RNF103: variants seen among roughly 807,000 people sequenced by gnomAD.
The protein encoded by RNF103 is E3 ubiquitin-protein ligase RNF103.
Under a neutral mutation model 66.2 loss-of-function variants are expected in RNF103, and 23 were observed. The ratio of observed to expected loss-of-function variants is 0.35; its 90% confidence interval spans 0.25 to 0.49. The LOEUF (loss-of-function observed/expected upper bound fraction) is 0.49, where lower values mean the gene tolerates loss of function less well. Ranked by LOEUF, RNF103 falls within the 20% of genes least tolerant of loss-of-function variation. The probability of loss-of-function intolerance (pLI) is 0.98; values close to 1 mark genes in which losing one functional copy is unlikely to be tolerated. For missense variants in RNF103, 730 were observed against 814.7 expected (o/e 0.90, Z 1.27); for synonymous variants, 297 against 289.9 (o/e 1.02, Z -0.25).
chr2:86,623,836 C>G lies in RNF103; in HGVS notation c.-950G>C, dbSNP rs1360843421. ...CGTACCCTCCACAACCGTGTATCAGCGGCGGCCGCGGCCGGAGCCGAGACA... is the reference window on the plus strand; with the variant it reads ...CGTACCCTCCACAACCGTGTATCAGGGGCGGCCGCGGCCGGAGCCGAGACA... On this transcript the variant is annotated 5_prime_UTR_variant, in exon 1 of 4. Transcript: ENST00000237455. The G allele has an allele frequency of 7.8e-7, 1 of 1,287,986 alleles. No homozygotes were observed. The highest frequency in any genetic ancestry group is 1.0e-6 in the Non-Finnish European group (1 of 988,336). 79.8% of individuals were successfully genotyped at this position (1,287,986 alleles called of 1,614,324 possible). A position where few individuals can be genotyped will look rare whatever the true frequency, so the allele number is the denominator to read the frequency against.
chr2:86,622,617 CCT>C, intron 1 of RNF103, 42 bp downstream of exon 1: 1 of 1,597,064 alleles, frequency 6.3e-7, no homozygotes, highest in Non-Finnish European at 8.6e-7. Context: ...CAGGTCGTCC[CCT>C]CTCCCAGGTG....
Position 86,623,733 on chromosome 2 carries a change from G to A in RNF103, c.-847C>T. 7.9e-7 allele frequency: 1 copy of A among 1,267,738 alleles called. No individual in the cohort carries two copies. The highest frequency in any genetic ancestry group is 2.4e-5 in the Admixed American group (1 of 40,916). 78.5% of individuals were successfully genotyped at this position (1,267,738 alleles called of 1,614,324 possible). A position where few individuals can be genotyped will look rare whatever the true frequency, so the allele number is the denominator to read the frequency against. On this transcript the variant is annotated 5_prime_UTR_variant, in exon 1 of 4. Transcript: ENST00000237455. The stretch of plus-strand genomic sequence containing the variant: ...TACCCGGCTGCCTCCCGGCCACTCA[G>A]CGCCCGTCCCGCTCGGATGGGCAGT...
In RNF103 at chr2:86,623,498, C is replaced by G; in HGVS notation, c.-612G>C. The G allele has an allele frequency of 9.2e-6, 9 of 983,380 alleles. No individual in the cohort carries two copies. The highest frequency in any genetic ancestry group is 1.1e-5 in the Non-Finnish European group (9 of 829,342). The allele number at this position is 983,380 out of a possible 1,614,324, so 60.9% of individuals were successfully genotyped here. A position where few individuals can be genotyped will look rare whatever the true frequency, so the allele number is the denominator to read the frequency against. On this transcript the variant is annotated 5_prime_UTR_variant, in exon 1 of 4. Transcript: ENST00000237455. ...CAACGCCGCGCCCGAAGCCCAGGCC[C>G]CAGGCCCCGCCGACCGCCCAGGCTC...
chr2:86,605,030 T>C lies in RNF103; in HGVS notation c.871A>G (p.Arg291Gly). ...GIYNMPSYIL[R>G]TPEGIYRYGN... ...TACCTGTAAATTCCTTCAGGAGTTC[T>C]AAGTATGTATGATGGCATATTATAT... The change falls in exon 4 of 4, where the codon AGA becomes GGA. Residue 291 changes from arginine (R) to glycine (G), a missense_variant. Physicochemically the swap from Arg to Gly is moderately radical, Grantham distance 125 (BLOSUM62 -2). This residue lies in a region of RNF103 where 327 missense variants were observed against 369.8 expected (regional missense o/e 0.88). Coordinates refer to ENST00000237455, the MANE Select transcript of RNF103 (RefSeq NM_005667.4). The C allele has an allele frequency of 6.2e-7, 1 of 1,614,150 alleles. No homozygotes were observed. Among genetic ancestry groups the C allele is most frequent in the Non-Finnish European group, 8.5e-7 (1 of 1,180,022 alleles).
intron 2 of RNF103, chr2:86,617,092 T>C: frequency 2.0e-6 from 2 of 985,302 alleles, no homozygotes; most frequent in Non-Finnish European, 2.4e-6. Context: ...TGGTTCTACA[T>C]GTATTTCATA....
chr2:86,607,940 C>T (rs1038714730), intron 3 of RNF103, among the ~76,000 whole-genome samples: 7 of 152,172 alleles, frequency 4.6e-5, no homozygotes, highest in Admixed American at 3.9e-4. Context: ...TTCTTTTCAG[C>T]TCAGAGCTAA....
chr2:86,615,086 G>C, intron 2 of RNF103: 9 of 985,362 alleles, frequency 9.1e-6, no homozygotes, highest in Non-Finnish European at 1.1e-5. Flanking sequence ...GAATGAGAGG[G>C]GTTCTTCCCA....
rs116154473 is a variant in RNF103 at position 86,614,970 on chromosome 2, A to C, written c.367-2696T>G. The C allele has an allele frequency of 4.8e-4, 475 of 985,432 alleles. 4 individuals are homozygous for C. The African/African-American group carries it at 7.8e-3, about 16-fold the overall frequency. The allele number at this position is 985,432 out of a possible 1,614,324, so 61.0% of individuals were successfully genotyped here. A position where few individuals can be genotyped will look rare whatever the true frequency, so the allele number is the denominator to read the frequency against. On this transcript the variant is annotated intron_variant, in intron 2 of 3. Transcript: ENST00000237455. ...TTTAGAGGTTGCCTCGCCAGTGTAA[A>C]TATTTAGTTCCTAAGTCTGGAGGCA...
At chr2:86,617,028 GT>G (rs1679048821) in intron 2 of RNF103, 1 of 985,280 alleles carries the variant, frequency 1.0e-6, no homozygotes, top group East Asian at 1.1e-4. Context: ...ATGAGCTTGG[GT>G]TAGGGACAAA....
At chr2:86,607,817 A>T (rs1678631241) in intron 3 of RNF103, among the ~76,000 whole-genome samples, 1 of 152,288 alleles carries the variant, frequency 6.6e-6, no homozygotes, top group East Asian at 1.9e-4. Context: ...ATGGCCTCTG[A>T]TTTGTGTCAT....
chr2:86,616,673 T>A, intron 2 of RNF103: 1 of 985,406 alleles, frequency 1.0e-6, no homozygotes, highest in Non-Finnish European at 1.2e-6. Flanking sequence ...TCAGTAAATA[T>A]TGACCCAAAG....
In RNF103 at chr2:86,623,808, G is replaced by A. The variant is rs1205309155; in HGVS notation, c.-922C>T. On this transcript the variant is annotated 5_prime_UTR_variant, in exon 1 of 4. Transcript: ENST00000237455. ...CACCCCCGCCACCTCCGGAGACCGC[G>A]GCCGTACCCTCCACAACCGTGTATC... The A allele has an allele frequency of 1.1e-5, 14 of 1,283,594 alleles. No homozygotes were observed. The highest frequency in any genetic ancestry group is 9.2e-5 in the Admixed American group (4 of 43,296). The allele number at this position is 1,283,594 out of a possible 1,614,324, so 79.5% of individuals were successfully genotyped here. A position where few individuals can be genotyped will look rare whatever the true frequency, so the allele number is the denominator to read the frequency against.
chr2:86,608,255 G>A (rs1678647201), intron 3 of RNF103, among the ~76,000 whole-genome samples: 1 of 152,100 alleles, frequency 6.6e-6, no homozygotes, highest in Admixed American at 6.5e-5. Context: ...GGGAGGCCAA[G>A]GTGGGTGGAT....
chr2:86,604,177 G>C lies in RNF103; in HGVS notation c.1724C>G (p.Ala575Gly). Residue 575 changes from alanine (A) to glycine (G), a missense_variant, in exon 4 of 4, where the codon GCT becomes GGT. By Grantham distance (60) the Ala-to-Gly change is moderately conservative. Around this residue, in one of 3 missense-constraint regions of RNF103, gnomAD observed 355 missense variants for 351.9 expected, o/e 1.01. Coordinates refer to ENST00000237455, the MANE Select transcript of RNF103 (RefSeq NM_005667.4). ...ACAATATTTATTGGCACATGAACAAGCCTCAGCATCACAGTGACTTGCTGT... is the reference window on the plus strand; with the variant it reads ...ACAATATTTATTGGCACATGAACAACCCTCAGCATCACAGTGACTTGCTGT... ...PGTASHCDAE[A>G]CSCANKYCQT... is the part of the protein sequence containing the mutation. 6.2e-7 allele frequency: 1 copy of C among 1,613,658 alleles called. No individual in the cohort carries two copies. Among genetic ancestry groups the C allele is most frequent in the Non-Finnish European group, 8.5e-7 (1 of 1,180,022 alleles).
chr2:86,610,312 T>C (rs899267062), intron 3 of RNF103, among the ~76,000 whole-genome samples: 1 of 152,256 alleles, frequency 6.6e-6, no homozygotes, highest in Non-Finnish European at 1.5e-5. Context: ...GGAAAACATC[T>C]GGAGCTAGCT....
At chr2:86,608,711 C>T (rs1458268779) in intron 3 of RNF103, among the ~76,000 whole-genome samples, 4 of 151,988 alleles carry the variant, frequency 2.6e-5, no homozygotes, top group African/African-American at 9.7e-5. Flanking sequence ...CTGCAATTTC[C>T]ATGTCCTCTA....
chr2:86,610,055 GCTTC>G (rs1678731517), intron 3 of RNF103, among the ~76,000 whole-genome samples: 1 of 152,094 alleles, frequency 6.6e-6, no homozygotes, highest in South Asian at 2.1e-4. Context: ...ACTAAGCATA[GCTTC>G]TATGGCAAGA....
intron 3 of RNF103, among the ~76,000 whole-genome samples, chr2:86,608,754 C>A (rs1236583083): frequency 6.6e-6 from 1 of 151,902 alleles, no homozygotes; most frequent in African/African-American, 2.4e-5. Context: ...CTCCCCAACC[C>A]TCTCTACACA....
At position 86,623,840 on chromosome 2, in the gene RNF103, G is replaced by A. The variant is rs560750508; in HGVS notation, c.-954C>T. ...CCCTCCACAACCGTGTATCAGCGGC[G>A]GCCGCGGCCGGAGCCGAGACATAAC... On this transcript the variant is annotated 5_prime_UTR_variant, in exon 1 of 4. Coordinates refer to ENST00000237455, the MANE Select transcript of RNF103 (RefSeq NM_005667.4). 1.6e-6 allele frequency: 2 copies of A among 1,287,938 alleles called. No homozygotes were observed. Among genetic ancestry groups the A allele is most frequent in the South Asian group, 1.2e-5 (1 of 80,852 alleles). 79.8% of individuals were successfully genotyped at this position (1,287,938 alleles called of 1,614,324 possible). A position where few individuals can be genotyped will look rare whatever the true frequency, so the allele number is the denominator to read the frequency against.
Sources: allele counts gnomAD v4.1 joint callset (sites outside exome capture counted in the v4.1 genomes callset), GRCh38; gene constraint gnomAD v4.1.1; regional missense constraint gnomAD v4.1.1; transcripts MANE v1.5; gene names NCBI Gene and HGNC (gene_info 2026-07-23, HGNC 2026-07-21).